The following RAB6B variants were observed in gnomAD, a reference collection of about 807,000 sequenced individuals.
RAB6B encodes ras-related protein Rab-6B.
In RAB6B, 7 loss-of-function variants were observed where a neutral mutation model predicts 31.2. The observed-to-expected ratio is 0.22, with a 90% CI of 0.13 to 0.42. The LOEUF (loss-of-function observed/expected upper bound fraction) is 0.42. RAB6B is among the 10% of genes least tolerant of loss of function. RAB6B has a pLI of 1.00. For missense variants in RAB6B, 149 were observed against 280.6 expected, an observed-to-expected ratio of 0.53 and a Z score of 3.35; for synonymous variants, 105 against 104.9, an observed-to-expected ratio of 1.00 and a Z score of -0.01.
intron 1 of RAB6B, among the ~76,000 whole-genome samples, chr3:133,870,894 A>T (rs888634655): frequency 6.6e-6 from 1 of 152,332 alleles, no homozygotes; most frequent in East Asian, 1.9e-4. Flanking sequence ...GCTTGGTCCC[A>T]TGTACCCTGG....
chr3:133,869,971 C>G (rs893433263), intron 1 of RAB6B, among the ~76,000 whole-genome samples: 4 of 152,206 alleles, frequency 2.6e-5, no homozygotes, highest in African/African-American at 9.7e-5. Context: ...TCTTGAGCCA[C>G]TAAGTTTTGG....
chr3:133,870,517 A>G (rs1247650689), intron 1 of RAB6B, among the ~76,000 whole-genome samples: 1 of 152,184 alleles, frequency 6.6e-6, no homozygotes, highest in East Asian at 1.9e-4. Flanking sequence ...GGAGGAGAGC[A>G]GGGTACAGGA....
intron 2 of RAB6B, among the ~76,000 whole-genome samples, chr3:133,856,931 AACTCT>A (rs1408431480): frequency 3.3e-5 from 5 of 152,184 alleles, no homozygotes; most frequent in South Asian, 2.1e-4. Flanking sequence ...CAAAAAATGA[AACTCT>A]ACTCTATTAA....
intron 2 of RAB6B, among the ~76,000 whole-genome samples, chr3:133,854,032 G>C (rs188606910): frequency 9.2e-5 from 14 of 152,144 alleles, no homozygotes; most frequent in African/African-American, 3.4e-4. Context: ...ACATATTCTA[G>C]CCCTGAGTAG....
At chr3:133,872,359 C>A (rs566663678) in intron 1 of RAB6B, among the ~76,000 whole-genome samples, 8 of 152,384 alleles carry the variant, frequency 5.2e-5, no homozygotes, top group African/African-American at 1.7e-4. Context: ...GGCCAGGCTA[C>A]CCGCATCCCT....
intron 1 of RAB6B, among the ~76,000 whole-genome samples, chr3:133,881,997 C>T (rs1936472531): frequency 6.6e-6 from 1 of 152,176 alleles, no homozygotes; most frequent in African/African-American, 2.4e-5. Flanking sequence ...TCACTGGATC[C>T]TCTGCTCAGC....
intron 2 of RAB6B, among the ~76,000 whole-genome samples, chr3:133,848,753 CT>C (rs1249421705): frequency 0.016 from 2,276 of 144,946 alleles, 36 homozygotes; most frequent in African/African-American, 0.041. Context: ...AAAGGCTCCA[CT>C]TTTTTTTTTT....
chr3:133,889,388 T>TTTTTTA lies in RAB6B; in HGVS notation c.70+6008_70+6009insTAAAAA, dbSNP rs1277081488. ...ACAAAAGGACAATAAGGTTATTTTG[T>TTTTTTA]TATATATATATATATATATATATAT... On this transcript the variant is annotated intron_variant, in intron 1 of 7. Coordinates refer to ENST00000285208, the MANE Select transcript of RAB6B (RefSeq NM_016577.4). Among the ~76,000 whole-genome samples, 9 of 80,282 alleles carry TTTTTTA rather than the reference T, an allele frequency of 1.1e-4. 1 individual carries two copies. The highest frequency in any genetic ancestry group is 1.8e-4 in the Non-Finnish European group (7 of 39,492). The allele number at this position is 80,282 out of a possible 152,430, so 52.7% of individuals were successfully genotyped here.
intron 2 of RAB6B, among the ~76,000 whole-genome samples, chr3:133,845,229 C>G (rs1258051678): frequency 6.6e-6 from 1 of 152,204 alleles, no homozygotes; most frequent in Non-Finnish European, 1.5e-5. Context: ...ACTTCAAATG[C>G]TGAAACTTAA....
intron 1 of RAB6B, among the ~76,000 whole-genome samples, chr3:133,876,341 G>A (rs562053420): frequency 2.6e-5 from 4 of 152,202 alleles, no homozygotes; most frequent in African/African-American, 9.6e-5. Flanking sequence ...TATATGACTC[G>A]GGCTGCTGCT....
At chr3:133,843,619 A>G (rs1935867865) in intron 2 of RAB6B, among the ~76,000 whole-genome samples, 1 of 152,198 alleles carries the variant, frequency 6.6e-6, no homozygotes. Context: ...CCCAGTATGT[A>G]GTTTCCCTTT....
At chr3:133,864,225 A>T (rs1194379384) in intron 2 of RAB6B, among the ~76,000 whole-genome samples, 1 of 151,996 alleles carries the variant, frequency 6.6e-6, no homozygotes. Context: ...ACAACCATGC[A>T]TGAGGCGCAA....
intron 2 of RAB6B, among the ~76,000 whole-genome samples, chr3:133,849,406 C>T (rs758626227): frequency 1.3e-5 from 2 of 152,212 alleles, no homozygotes; most frequent in African/African-American, 2.4e-5. Context: ...CAGACAAGCC[C>T]TCAGATAACT....
chr3:133,866,458 G>A (rs1006130669), intron 1 of RAB6B, among the ~76,000 whole-genome samples: 1 of 152,128 alleles, frequency 6.6e-6, no homozygotes. Flanking sequence ...GCCAACTCTG[G>A]GTGGTCAGTG....
chr3:133,835,654 T>C (rs1667802468), intron 6 of RAB6B, among the ~76,000 whole-genome samples: 1 of 152,014 alleles, frequency 6.6e-6, no homozygotes, highest in Non-Finnish European at 1.5e-5. Flanking sequence ...CCCCTGCAAA[T>C]TCCTATGTTG....
chr3:133,832,987 T>C (rs1022117920), intron 7 of RAB6B, among the ~76,000 whole-genome samples: 14 of 152,190 alleles, frequency 9.2e-5, no homozygotes, highest in African/African-American at 3.4e-4. Context: ...AGAATGTGAA[T>C]GAAACGATCA....
intron 2 of RAB6B, among the ~76,000 whole-genome samples, chr3:133,861,957 G>A (rs527539217): frequency 2.0e-5 from 3 of 152,190 alleles, no homozygotes; most frequent in South Asian, 2.1e-4. Flanking sequence ...TCTACTTCTC[G>A]AATGCCTCTG....
At chr3:133,893,491 G>T (rs990257498) in intron 1 of RAB6B, among the ~76,000 whole-genome samples, 1 of 152,114 alleles carries the variant, frequency 6.6e-6, no homozygotes, top group African/African-American at 2.4e-5. Context: ...AGGGGCCTCC[G>T]TTCATCAGGG....
At chr3:133,847,822 TTTC>T (rs1935926771) in intron 2 of RAB6B, among the ~76,000 whole-genome samples, 1 of 152,206 alleles carries the variant, frequency 6.6e-6, no homozygotes, top group African/African-American at 2.4e-5. Context: ...ATGGCATTTG[TTTC>T]TTCTTTGCTT....
Sources: gnomAD v4.1 joint callset for allele counts (sites outside exome capture counted in the v4.1 genomes callset) on GRCh38, gnomAD v4.1.1 for gene constraint, MANE v1.5 for transcripts, NCBI Gene and HGNC (gene_info 2026-07-23, HGNC 2026-07-21) for gene names.